Variants in ST6GALNAC3 observed in about 807,000 individuals in gnomAD.
ST6GALNAC3 encodes the protein alpha-N-acetylgalactosaminide alpha-2,6-sialyltransferase 3.
Under a neutral mutation model 32.7 loss-of-function variants are expected in ST6GALNAC3, and 25 were observed. The ratio of observed to expected loss-of-function variants is 0.76; its 90% confidence interval spans 0.56 to 1.07. The LOEUF (loss-of-function observed/expected upper bound fraction) is 1.07, where lower values mean the gene tolerates loss of function less well. Ranked by LOEUF, ST6GALNAC3 falls within the 50% of genes least tolerant of loss-of-function variation. The pLI is 0.00. For synonymous variants in ST6GALNAC3, 129 were observed against 133.1 expected, an observed-to-expected ratio of 0.97 and a Z score of 0.21; for missense variants, 355 against 382.4, an observed-to-expected ratio of 0.93 and a Z score of 0.60.
At chr1:76,508,331 C>A (rs569359652) in intron 3 of ST6GALNAC3, among the ~76,000 whole-genome samples, 1 of 152,290 alleles carries the variant, frequency 6.6e-6, no homozygotes, top group African/African-American at 2.4e-5. Flanking sequence ...CCACCGCTCA[C>A]CTACTGCTGT....
chr1:76,576,737 A>T, intron 3 of ST6GALNAC3: 1 of 843,578 alleles, frequency 1.2e-6, no homozygotes, highest in Non-Finnish European at 1.7e-6. Flanking sequence ...CTGATTAATC[A>T]GTTTCACAGT....
intron 3 of ST6GALNAC3, among the ~76,000 whole-genome samples, chr1:76,431,838 T>A (rs967125070): frequency 6.6e-6 from 1 of 152,104 alleles, no homozygotes; most frequent in African/African-American, 2.4e-5. Context: ...CACATCATTA[T>A]CCCCCAGAGT....
chr1:76,627,443 T>C lies in ST6GALNAC3; in HGVS notation c.624-9T>C. ...TCTGTTTGTTATTGTTTGTTTTCAT[T>C]TCCCTCAGAGTCCAGTCTGGCTCAT... is the stretch of plus-strand genomic sequence containing the variant. On this transcript the variant is annotated splice_polypyrimidine_tract_variant and intron_variant, in intron 3 of 4. Transcript: ENST00000328299. 2 of 1,580,068 alleles carry C rather than the reference T, an allele frequency of 1.3e-6. No homozygotes were observed. Among genetic ancestry groups the C allele is most frequent in the Non-Finnish European group, 1.7e-6 (2 of 1,150,140 alleles).
intron 1 of ST6GALNAC3, among the ~76,000 whole-genome samples, chr1:76,244,042 T>G (rs1302739695): frequency 6.6e-6 from 1 of 152,226 alleles, no homozygotes; most frequent in Non-Finnish European, 1.5e-5. Context: ...TTGGGCAGTA[T>G]GGCCATTTTC....
At chr1:76,228,916 T>C (rs1247451809) in intron 1 of ST6GALNAC3, among the ~76,000 whole-genome samples, 1 of 152,048 alleles carries the variant, frequency 6.6e-6, no homozygotes, top group Non-Finnish European at 1.5e-5. Flanking sequence ...TTCAGGTGAT[T>C]AACGTTGATA....
At chr1:76,095,917 T>A (rs552487747) in intron 1 of ST6GALNAC3, among the ~76,000 whole-genome samples, 3 of 152,302 alleles carry the variant, frequency 2.0e-5, no homozygotes, top group African/African-American at 7.2e-5. Flanking sequence ...CATGCCCTTT[T>A]AACATTCTGA....
chr1:76,161,799 A>G (rs1012629030), intron 1 of ST6GALNAC3, among the ~76,000 whole-genome samples: 2 of 152,240 alleles, frequency 1.3e-5, no homozygotes, highest in African/African-American at 2.4e-5. Flanking sequence ...GGGTCTGTAC[A>G]TACACCAGTT....
At chr1:76,538,164 A>G (rs1486685686) in intron 3 of ST6GALNAC3, among the ~76,000 whole-genome samples, 1 of 152,214 alleles carries the variant, frequency 6.6e-6, no homozygotes, top group African/African-American at 2.4e-5. Context: ...CAGAAAATTT[A>G]TCTGCTATGA....
chr1:76,446,724 C>A (rs1238774382), intron 3 of ST6GALNAC3, among the ~76,000 whole-genome samples: 1 of 152,112 alleles, frequency 6.6e-6, no homozygotes, highest in Non-Finnish European at 1.5e-5. Flanking sequence ...CTCATGAGAT[C>A]TGATGGTTTT....
chr1:76,260,411 T>C (rs1658160147), intron 1 of ST6GALNAC3, among the ~76,000 whole-genome samples: 1 of 152,234 alleles, frequency 6.6e-6, no homozygotes. Context: ...TAGGTAACAG[T>C]TAAAGTAATA....
At chr1:76,483,232 A>T (rs1659856717) in intron 3 of ST6GALNAC3, among the ~76,000 whole-genome samples, 1 of 152,152 alleles carries the variant, frequency 6.6e-6, no homozygotes, top group African/African-American at 2.4e-5. Flanking sequence ...TCCTTCGGGT[A>T]TATACCCAGT....
At chr1:76,389,002 G>A (rs1652313271) in intron 2 of ST6GALNAC3, among the ~76,000 whole-genome samples, 1 of 62,720 alleles carries the variant, frequency 1.6e-5, no homozygotes, top group Non-Finnish European at 3.9e-5. Flanking sequence ...GTTGTTAGTT[G>A]GTATATTTCC....
chr1:76,248,419 T>A (rs1300680457), intron 1 of ST6GALNAC3, among the ~76,000 whole-genome samples: 1 of 152,220 alleles, frequency 6.6e-6, no homozygotes, highest in Non-Finnish European at 1.5e-5. Flanking sequence ...GTATCTTATC[T>A]AAGGAAACTG....
In ST6GALNAC3 at chr1:76,497,588, T is replaced by C. The variant is rs150526725; in HGVS notation, c.623+85171T>C. The stretch of plus-strand genomic sequence containing the variant: ...GGGACATAGAAAGAAAACCAACATC[T>C]ATTGAGTTCGTGTTCTCCTCCCGTT... On this transcript the variant is annotated intron_variant, in intron 3 of 4. Coordinates refer to ENST00000328299, the MANE Select transcript of ST6GALNAC3 (RefSeq NM_152996.4). Among the ~76,000 whole-genome samples, 1,036 of 152,306 alleles carry C rather than the reference T, an allele frequency of 6.8e-3. 11 individuals carry two copies. The highest frequency in any genetic ancestry group is 0.018 in the South Asian group (88 of 4,828).
At chr1:76,189,571 C>G (rs1473111503) in intron 1 of ST6GALNAC3, among the ~76,000 whole-genome samples, 2 of 133,548 alleles carry the variant, frequency 1.5e-5, no homozygotes, top group African/African-American at 4.9e-5. Context: ...AGTAGAATGA[C>G]TAATAAGAGA....
chr1:76,230,005 AG>A (rs1467500408), intron 1 of ST6GALNAC3, among the ~76,000 whole-genome samples: 8 of 152,194 alleles, frequency 5.3e-5, no homozygotes, highest in Non-Finnish European at 8.8e-5. Context: ...TGGAAATAGG[AG>A]ATCTGAGATT....
chr1:76,219,853 G>C (rs1655668983), intron 1 of ST6GALNAC3, among the ~76,000 whole-genome samples: 1 of 152,146 alleles, frequency 6.6e-6, no homozygotes, highest in South Asian at 2.1e-4. Flanking sequence ...GTTAGGATTG[G>C]AGAGTTGCAT....
At chr1:76,412,556 G>A (rs1654334730) in intron 3 of ST6GALNAC3, 139 bp downstream of exon 3, 1 of 962,056 alleles carries the variant, frequency 1.0e-6, no homozygotes. Flanking sequence ...ATGATTACTT[G>A]ATAAGCCAGC....
chr1:76,577,333 G>A (rs1407585556), intron 3 of ST6GALNAC3: 1 of 986,900 alleles, frequency 1.0e-6, no homozygotes, highest in African/African-American at 1.8e-5. Context: ...GCCTCTTTCT[G>A]CTTGGAAGGT....
Sources: gnomAD v4.1 joint callset for allele counts (sites outside exome capture counted in the v4.1 genomes callset) on GRCh38, gnomAD v4.1.1 for gene constraint, MANE v1.5 for transcripts, NCBI Gene and HGNC (gene_info 2026-07-23, HGNC 2026-07-21) for gene names.